Variants in GALNT13 observed in about 807,000 individuals in gnomAD.
GALNT13 encodes the protein polypeptide N-acetylgalactosaminyltransferase 13, also known as UDP-GalNAc:polypeptide N-acetylgalactosaminyltransferase 13.
GALNT13 carries 28 observed loss-of-function variants against 64.2 expected under a neutral mutation model. The ratio of observed to expected loss-of-function variants is 0.44; its 90% confidence interval spans 0.32 to 0.60. GALNT13 has a LOEUF of 0.60. Ranked by LOEUF, GALNT13 falls within the 20% of genes least tolerant of loss-of-function variation. GALNT13 has a pLI of 0.05. For synonymous variants in GALNT13, 214 were observed against 224.6 expected (o/e 0.95, Z 0.42); for missense variants, 577 against 669.8 (o/e 0.86, Z 1.53).
the GALNT13 span, among the ~76,000 whole-genome samples, chr2:153,725,613 A>AT: frequency 2.0e-5 from 3 of 152,032 alleles, no homozygotes; most frequent in Admixed American, 1.3e-4. Context: ...TTTTAAGAAG[A>AT]TTTTTTGGAA....
the GALNT13 span, among the ~76,000 whole-genome samples, chr2:153,595,901 G>A: frequency 1.1e-4 from 17 of 152,170 alleles, no homozygotes; most frequent in Admixed American, 1.0e-3. Context: ...ACTAAAATAA[G>A]TGGTATAAAT....
chr2:154,165,212 G>T (rs1684960861), intron 4 of GALNT13, among the ~76,000 whole-genome samples: 1 of 151,980 alleles, frequency 6.6e-6, no homozygotes, highest in Non-Finnish European at 1.5e-5. Flanking sequence ...ATCTAACAGG[G>T]GTCAATTAGA....
chr2:153,623,443 A>C, the GALNT13 span, among the ~76,000 whole-genome samples: 1 of 152,050 alleles, frequency 6.6e-6, no homozygotes, highest in Non-Finnish European at 1.5e-5. Context: ...ATCTTTATAA[A>C]TGCCGCTCCA....
At chr2:154,027,699 T>C (rs1028860408) in intron 3 of GALNT13, among the ~76,000 whole-genome samples, 2 of 152,096 alleles carry the variant, frequency 1.3e-5, no homozygotes, top group Non-Finnish European at 2.9e-5. Context: ...AAAAGAATGT[T>C]AGGAAAATAT....
chr2:153,397,295 C>T, the GALNT13 span, among the ~76,000 whole-genome samples: 1 of 152,110 alleles, frequency 6.6e-6, no homozygotes, highest in African/African-American at 2.4e-5. Context: ...ACATAGCATA[C>T]ATGTTCAACC....
chr2:153,373,988 C>T, the GALNT13 span, among the ~76,000 whole-genome samples: 3 of 151,944 alleles, frequency 2.0e-5, no homozygotes, highest in South Asian at 4.2e-4. Flanking sequence ...ATGTATATAC[C>T]ACATTTTGTT....
chr2:153,962,901 A>G (rs574183132), intron 3 of GALNT13, among the ~76,000 whole-genome samples: 6 of 152,334 alleles, frequency 3.9e-5, no homozygotes, highest in Admixed American at 6.5e-5. Flanking sequence ...ACTACTCAGC[A>G]TAAGTGTTTT....
At chr2:153,179,129 G>GTTTTTCTCATA in the GALNT13 span, among the ~76,000 whole-genome samples, 1 of 152,072 alleles carries the variant, frequency 6.6e-6, no homozygotes, top group Admixed American at 6.6e-5. Flanking sequence ...ATGTCACATA[G>GTTTTTCTCATA]TTTTTCTCAT....
the GALNT13 span, among the ~76,000 whole-genome samples, chr2:153,291,054 G>T: frequency 0.13 from 19,903 of 152,136 alleles, 1,641 homozygotes; most frequent in Non-Finnish European, 0.18. Flanking sequence ...AAGAAAATTT[G>T]TGTTTTCTCA....
At chr2:153,952,932 C>T (rs1277431245) in intron 3 of GALNT13, among the ~76,000 whole-genome samples, 5 of 152,126 alleles carry the variant, frequency 3.3e-5, no homozygotes, top group Non-Finnish European at 7.3e-5. Flanking sequence ...AAGATGAAGG[C>T]CAGAAGACTT....
At chr2:153,165,126 C>T in the GALNT13 span, among the ~76,000 whole-genome samples, 1 of 152,162 alleles carries the variant, frequency 6.6e-6, no homozygotes, top group Non-Finnish European at 1.5e-5. Context: ...CTTCTGGCAC[C>T]TTTGAGGACA....
At chr2:153,534,817 G>T in the GALNT13 span, among the ~76,000 whole-genome samples, 1 of 152,002 alleles carries the variant, frequency 6.6e-6, no homozygotes, top group African/African-American at 2.4e-5. Flanking sequence ...TTTTGTGGTG[G>T]AATGTCATCA....
chr2:154,223,537 C>T (rs1413772533), intron 4 of GALNT13, among the ~76,000 whole-genome samples: 7 of 150,026 alleles, frequency 4.7e-5, no homozygotes, highest in African/African-American at 1.5e-4. Flanking sequence ...CTGCAACCTC[C>T]GCCTCCTGGG....
At chr2:153,824,225 A>C in the GALNT13 span, among the ~76,000 whole-genome samples, 1 of 152,176 alleles carries the variant, frequency 6.6e-6, no homozygotes, top group Non-Finnish European at 1.5e-5. Flanking sequence ...GTATATAGCT[A>C]TACAGCAGTT....
the GALNT13 span, among the ~76,000 whole-genome samples, chr2:153,340,274 T>A: frequency 1.3e-5 from 2 of 152,226 alleles, no homozygotes; most frequent in Non-Finnish European, 2.9e-5. Flanking sequence ...TTTCTTTTTT[T>A]CTGATTCACA....
At chr2:153,674,991 A>G in the GALNT13 span, among the ~76,000 whole-genome samples, 1,413 of 152,334 alleles carry the variant, frequency 9.3e-3, 20 homozygotes, top group African/African-American at 0.032. Context: ...CAAAACCACA[A>G]TGAGATACCA....
intron 11 of GALNT13, chr2:154,435,959 A>C (rs1700946903): frequency 6.6e-6 from 1 of 152,196 alleles, no homozygotes; most frequent in Non-Finnish European, 1.5e-5. Flanking sequence ...TTTCCAGATA[A>C]AATCAAGAAG....
At chr2:154,102,707 A>G (rs953840983) in intron 3 of GALNT13, among the ~76,000 whole-genome samples, 4 of 152,288 alleles carry the variant, frequency 2.6e-5, no homozygotes, top group East Asian at 3.9e-4. Flanking sequence ...GATTTAACAA[A>G]AAAAAATCCA....
intron 3 of GALNT13, among the ~76,000 whole-genome samples, chr2:154,030,836 G>A (rs550671048): frequency 9.6e-4 from 146 of 152,100 alleles, no homozygotes; most frequent in African/African-American, 3.2e-3. Flanking sequence ...GTTTCCTGAG[G>A]CCTCCTAGTC....
Sources: gnomAD v4.1 joint callset for allele counts (sites outside exome capture counted in the v4.1 genomes callset) on GRCh38, gnomAD v4.1.1 for gene constraint, MANE v1.5 for transcripts, NCBI Gene and HGNC (gene_info 2026-07-23, HGNC 2026-07-21) for gene names.